Variants in CUX1 observed in about 807,000 individuals in gnomAD.
The protein encoded by CUX1 is cut like homeobox 1, also known as protein CASP.
In CUX1, 31 loss-of-function variants were observed where a neutral mutation model predicts 158.8. The ratio of observed to expected loss-of-function variants is 0.20; its 90% CI spans 0.15 to 0.26. The LOEUF is 0.26. CUX1 is among the 10% of genes least tolerant of loss of function. The pLI is 1.00. For synonymous variants in CUX1, 879 were observed against 862.1 expected, an observed-to-expected ratio of 1.02 and a Z score of -0.34; for missense variants, 1,589 against 2,014.6, an observed-to-expected ratio of 0.79 and a Z score of 4.04.
intron 2 of CUX1, among the ~76,000 whole-genome samples, chr7:101,966,426 C>T (rs760572624): frequency 4.0e-5 from 6 of 151,706 alleles, no homozygotes; most frequent in Non-Finnish European, 5.9e-5. Context: ...CAAGCCTGGC[C>T]GAGAGTTGAT....
chr7:102,132,317 GCGCGCGCACGCCA>G (rs1391880145), intron 8 of CUX1, among the ~76,000 whole-genome samples: 1 of 51,352 alleles, frequency 1.9e-5, no homozygotes, highest in African/African-American at 2.2e-4. Context: ...GTGCGCGCGC[GCGCGCGCACGCCA>G]CGCACACACG....
intron 2 of CUX1, among the ~76,000 whole-genome samples, chr7:101,939,375 G>A (rs1807420807): frequency 6.6e-6 from 1 of 151,938 alleles, no homozygotes; most frequent in Non-Finnish European, 1.5e-5. Flanking sequence ...AGCATGGAGG[G>A]ATTTTTAAGG....
chr7:102,028,988 A>ATTTTTTTT (rs71519103), intron 3 of CUX1, among the ~76,000 whole-genome samples: 1 of 114,248 alleles, frequency 8.8e-6, no homozygotes. Flanking sequence ...AGTCTTAGGG[A>ATTTTTTTT]TTTTTTTTTT....
At chr7:101,872,001 G>T in intron 1 of CUX1, among the ~76,000 whole-genome samples, 1 of 149,324 alleles carries the variant, frequency 6.7e-6, no homozygotes, top group African/African-American at 2.5e-5. Context: ...CTTGGCGACA[G>T]AGCGAGACTC....
intron 5 of CUX1, among the ~76,000 whole-genome samples, chr7:102,101,676 G>A (rs1341424664): frequency 2.0e-5 from 3 of 152,128 alleles, no homozygotes; most frequent in South Asian, 4.1e-4. Flanking sequence ...TTAGGAGGCC[G>A]AGGTGAGCAG....
intron 18 of CUX1, chr7:102,279,931 A>C: frequency 1.4e-6 from 1 of 737,140 alleles, no homozygotes; most frequent in Non-Finnish European, 2.4e-6. Flanking sequence ...TCCCTCCCCC[A>C]CTTCCCTTTT....
intron 2 of CUX1, among the ~76,000 whole-genome samples, chr7:101,925,644 A>C (rs1009131073): frequency 6.6e-6 from 1 of 152,196 alleles, no homozygotes; most frequent in African/African-American, 2.4e-5. Flanking sequence ...TTTAAAAAAA[A>C]AATTCAGCCA....
chr7:102,175,829 C>A (rs889944047), intron 10 of CUX1, among the ~76,000 whole-genome samples: 11 of 152,204 alleles, frequency 7.2e-5, no homozygotes, highest in Non-Finnish European at 1.2e-4. Flanking sequence ...TTTTAAATTT[C>A]CAGTCTGTGG....
intron 8 of CUX1, among the ~76,000 whole-genome samples, chr7:102,140,907 T>C (rs1173762441): frequency 6.6e-6 from 1 of 151,786 alleles, no homozygotes; most frequent in Non-Finnish European, 1.5e-5. Context: ...CCTGATACAC[T>C]GCTTGGCTAG....
intron 4 of CUX1, among the ~76,000 whole-genome samples, chr7:102,079,535 G>A (rs773056353): frequency 1.4e-4 from 22 of 152,074 alleles, no homozygotes; most frequent in Non-Finnish European, 2.5e-4. Context: ...TAGCCTTCTC[G>A]AAGGTGATAG....
chr7:101,936,975 GAC>G (rs752418469), intron 2 of CUX1, among the ~76,000 whole-genome samples: 32 of 152,288 alleles, frequency 2.1e-4, no homozygotes, highest in Middle Eastern at 3.4e-3. Context: ...GACTTAGTGA[GAC>G]ACAGTCACCG....
chr7:101,981,290 C>T (rs1482091136), intron 2 of CUX1, among the ~76,000 whole-genome samples: 3 of 152,184 alleles, frequency 2.0e-5, no homozygotes, highest in Non-Finnish European at 2.9e-5. Context: ...TTGTTTCTTA[C>T]TTGTCTTGCC....
downstream of CUX1, among the ~76,000 whole-genome samples, chr7:102,259,232 C>CG (rs1563509494): frequency 6.6e-6 from 1 of 152,132 alleles, no homozygotes; most frequent in African/African-American, 2.4e-5. Flanking sequence ...CACTTAGGGC[C>CG]GGGGGTGTCT....
intron 4 of CUX1, among the ~76,000 whole-genome samples, chr7:102,073,480 T>C (rs1454785615): frequency 6.6e-6 from 1 of 152,334 alleles, no homozygotes; most frequent in African/African-American, 2.4e-5. Flanking sequence ...GCCTAGCTGC[T>C]GTTTTCTAAA....
chr7:102,047,327 ATGGT>A (rs1822930252), intron 3 of CUX1, among the ~76,000 whole-genome samples: 1 of 151,898 alleles, frequency 6.6e-6, no homozygotes, highest in Non-Finnish European at 1.5e-5. Context: ...GAATGGATAG[ATGGT>A]TGATTGCATG....
intron 1 of CUX1, among the ~76,000 whole-genome samples, chr7:101,876,820 A>T (rs1397794366): frequency 1.3e-5 from 2 of 152,200 alleles, no homozygotes; most frequent in Admixed American, 6.5e-5. Flanking sequence ...ATATTTCATC[A>T]AATTGATCCT....
chr7:101,908,448 T>C (rs1291665115), intron 1 of CUX1, among the ~76,000 whole-genome samples: 3 of 109,102 alleles, frequency 2.7e-5, no homozygotes, highest in Admixed American at 9.7e-5. Flanking sequence ...GCCCAGCCTG[T>C]TTTTTGTTTG....
At chr7:102,233,196 T>C (rs1162814329) in intron 21 of CUX1, among the ~76,000 whole-genome samples, 1 of 22,754 alleles carries the variant, frequency 4.4e-5, no homozygotes, top group East Asian at 0.02. Flanking sequence ...TTTTTTTTTT[T>C]TTTTGAGACA....
At chr7:102,011,571 G>A (rs962909909) in intron 2 of CUX1, among the ~76,000 whole-genome samples, 5 of 151,740 alleles carry the variant, frequency 3.3e-5, no homozygotes, top group African/African-American at 4.8e-5. Flanking sequence ...TAGTAGAGAC[G>A]GGTTTCACCG....
Sources: gnomAD v4.1 joint callset for allele counts (sites outside exome capture counted in the v4.1 genomes callset) on GRCh38, gnomAD v4.1.1 for gene constraint, MANE v1.5 for transcripts, NCBI Gene and HGNC (gene_info 2026-07-23, HGNC 2026-07-21) for gene names.